HAVCR1: variants seen among roughly 807,000 people sequenced by gnomAD.
HAVCR1 encodes hepatitis A virus cellular receptor 1, also known as T cell immunoglobin domain and mucin domain protein 1.
In HAVCR1, 34 loss-of-function variants were observed where a neutral mutation model predicts 32.0. The ratio of observed to expected loss-of-function variants is 1.06; its 90% confidence interval spans 0.81 to 1.42. The LOEUF (loss-of-function observed/expected upper bound fraction) is 1.42. HAVCR1 is among the 40% of genes most tolerant of loss of function. The probability of loss-of-function intolerance (pLI) is 0.00; values close to 1 mark genes in which losing one functional copy is unlikely to be tolerated. For synonymous variants in HAVCR1, 178 were observed against 170.3 expected (o/e 1.05, Z -0.35); for missense variants, 420 against 442.3 (o/e 0.95, Z 0.45).
chr5:157,032,274 T>C (rs532997307), intron 8 of HAVCR1, among the ~76,000 whole-genome samples: 8 of 152,170 alleles, frequency 5.3e-5, no homozygotes, highest in African/African-American at 1.9e-4. Flanking sequence ...ATTCCAGCAC[T>C]TTGGGAGGCC....
At position 157,035,145 on chromosome 5, in the gene HAVCR1, A is replaced by T. The variant is rs546302189; in HGVS notation, c.952+2102T>A. ...GCTTCTGTACACATAATAAATATGT[A>T]TTCATTTTCTCCTGTTAATCTCCTA... On this transcript the variant is annotated intron_variant, in intron 7 of 8. Coordinates refer to ENST00000523175, the MANE Select transcript of HAVCR1 (RefSeq NM_001173393.3). 2.6e-5 allele frequency among the ~76,000 whole-genome samples: 4 copies of T among 152,134 alleles called. No homozygotes were observed. In the South Asian group the frequency reaches 8.3e-4, roughly 32 times the overall value.
intron 1 of HAVCR1, 94 bp from the exon 2 acceptor site, chr5:157,058,049 C>T: frequency 3.4e-6 from 3 of 888,792 alleles, no homozygotes; most frequent in Non-Finnish European, 5.6e-6. Flanking sequence ...ATCTTTTCAC[C>T]CAGTTGGTTG....
the HAVCR1 span, among the ~76,000 whole-genome samples, chr5:157,067,056 G>T: frequency 2.0e-5 from 3 of 152,180 alleles, no homozygotes; most frequent in Non-Finnish European, 4.4e-5. Flanking sequence ...GAAGAGGTTT[G>T]GGGAATTTGA....
upstream of HAVCR1, among the ~76,000 whole-genome samples, chr5:157,061,552 C>T (rs1041631315): frequency 6.6e-5 from 10 of 151,972 alleles, no homozygotes; most frequent in South Asian, 1.9e-3. Context: ...ACCAAAAATG[C>T]AAAAATTAGC....
At chr5:157,058,092 G>A in intron 1 of HAVCR1, 137 bp from the exon 2 acceptor site, 1 of 666,228 alleles carries the variant, frequency 1.5e-6, no homozygotes. Context: ...GGAAATGAGA[G>A]AAGACCACAT....
chr5:157,030,174 A>G (rs1754089357), intron 8 of HAVCR1, among the ~76,000 whole-genome samples: 1 of 152,218 alleles, frequency 6.6e-6, no homozygotes, highest in African/African-American at 2.4e-5. Context: ...AAGTGGCTGA[A>G]TCAAGATGCA....
Position 157,052,588 on chromosome 5 carries a change from G to A in HAVCR1, c.446C>T (p.Thr149Ile). The A allele has an allele frequency of 6.2e-7, 1 of 1,611,818 alleles. No homozygotes were observed. Among genetic ancestry groups the A allele is most frequent in the Non-Finnish European group, 8.5e-7 (1 of 1,178,462 alleles). The change falls in exon 4 of 9, where the codon ACT (threonine) becomes ATT (isoleucine). Residue 149 changes from threonine to isoleucine, a missense_variant. Transcript: ENST00000523175. ...PTVTTVRTST[T>I]VPTTTTVPMT... ...TGGAACAGTCGTTGTCGTTGGAACAGTGGTGCTCGTTCGAACAGTCGTGAC... is the reference window on the plus strand; with the variant it reads ...TGGAACAGTCGTTGTCGTTGGAACAATGGTGCTCGTTCGAACAGTCGTGAC...
At chr5:157,051,848 T>A (rs1755758224) in intron 4 of HAVCR1, among the ~76,000 whole-genome samples, 1 of 152,350 alleles carries the variant, frequency 6.6e-6, no homozygotes, top group Non-Finnish European at 1.5e-5. Context: ...ACACCTACAG[T>A]GGATATAATT....
chr5:157,034,233 A>G (rs1355549100), intron 7 of HAVCR1, among the ~76,000 whole-genome samples: 1 of 151,932 alleles, frequency 6.6e-6, no homozygotes, highest in Non-Finnish European at 1.5e-5. Context: ...ACTATAGGGT[A>G]ATGGTGGGGA....
chr5:157,029,673 T>C lies in HAVCR1; in HGVS notation c.*60A>G, dbSNP rs1298753044. 1.9e-6 allele frequency: 3 copies of C among 1,608,068 alleles called. No homozygotes were observed. The highest frequency in any genetic ancestry group is 2.5e-6 in the Non-Finnish European group (3 of 1,177,882). ...GGGGTCTAAAAGACGTCTGATGTGC[T>C]GATGTCTGTTCAGTCTTCTGCACTC... On this transcript the variant is annotated 3_prime_UTR_variant, in exon 9 of 9. Coordinates refer to ENST00000523175, the MANE Select transcript of HAVCR1 (RefSeq NM_001173393.3).
At position 157,058,118 on chromosome 5, in the gene HAVCR1, C is replaced by T. The variant is rs2113651926; in HGVS notation, c.-12-163G>A. 3 of 614,640 alleles carry T rather than the reference C, an allele frequency of 4.9e-6. No homozygotes were observed. The East Asian group carries it at 8.5e-5, about 17-fold the overall frequency. 38.1% of individuals were successfully genotyped at this position (614,640 alleles called of 1,614,324 possible). ...AAGACCACATATAACGGCTTCAGAG[C>T]TCTGTTAGTTCCCTGCAGCTGAGAG... On this transcript the variant is annotated intron_variant, in intron 1 of 8. Coordinates refer to ENST00000523175, the MANE Select transcript of HAVCR1 (RefSeq NM_001173393.3).
chr5:157,048,173 C>A (rs1481736777), intron 5 of HAVCR1, among the ~76,000 whole-genome samples: 3 of 152,114 alleles, frequency 2.0e-5, no homozygotes, highest in Non-Finnish European at 4.4e-5. Context: ...TCAGTGGAAG[C>A]CTCCTGGTAC....
At chr5:157,048,559 G>A (rs1290692261) in intron 5 of HAVCR1, among the ~76,000 whole-genome samples, 1 of 152,154 alleles carries the variant, frequency 6.6e-6, no homozygotes, top group Non-Finnish European at 1.5e-5. Flanking sequence ...AGCTGGGCAC[G>A]GTGGCTGATG....
intron 7 of HAVCR1, among the ~76,000 whole-genome samples, chr5:157,036,621 T>C (rs1167561574): frequency 6.6e-6 from 1 of 152,164 alleles, no homozygotes; most frequent in Non-Finnish European, 1.5e-5. Context: ...GGCAAAAGGA[T>C]CTTTCTAACT....
chr5:157,034,454 G>C (rs758058565), intron 7 of HAVCR1, among the ~76,000 whole-genome samples: 49 of 151,426 alleles, frequency 3.2e-4, no homozygotes, highest in Non-Finnish European at 2.5e-4. Flanking sequence ...ATGTATGATC[G>C]GGTTTTACAC....
At chr5:157,068,624 C>A in the HAVCR1 span, among the ~76,000 whole-genome samples, 17 of 150,796 alleles carry the variant, frequency 1.1e-4, no homozygotes, top group South Asian at 3.6e-3. Context: ...TGCTTTACTG[C>A]ACATTATCTT....
chr5:157,054,207 A>C (rs888261397), intron 3 of HAVCR1, among the ~76,000 whole-genome samples: 3 of 150,582 alleles, frequency 2.0e-5, no homozygotes, highest in East Asian at 1.9e-4. Context: ...AAAAAAAAAA[A>C]AAAAAACAAA....
chr5:157,067,133 A>G, the HAVCR1 span, among the ~76,000 whole-genome samples: 1 of 152,210 alleles, frequency 6.6e-6, no homozygotes, highest in African/African-American at 2.4e-5. Flanking sequence ...CTCAGGTATC[A>G]CTGGAAGTAG....
In HAVCR1 at chr5:157,057,946, T is replaced by C; in HGVS notation, c.-3A>G. 2 of 1,613,264 alleles carry C rather than the reference T, an allele frequency of 1.2e-6. No homozygotes were observed. The highest frequency in any genetic ancestry group is 1.3e-5 in the African/African-American group (1 of 75,020). On this transcript the variant is annotated 5_prime_UTR_variant, in exon 2 of 9. Coordinates refer to ENST00000523175, the MANE Select transcript of HAVCR1 (RefSeq NM_001173393.3). ...AAGATGACCACTTGAGGATGCATTA[T>C]GGGATCAGCCTGAAGGAAAATGAGC...
Sources: gnomAD v4.1 joint callset for allele counts (sites outside exome capture counted in the v4.1 genomes callset) on GRCh38, gnomAD v4.1.1 for gene constraint, MANE v1.5 for transcripts, NCBI Gene and HGNC (gene_info 2026-07-23, HGNC 2026-07-21) for gene names.